Variants in MPHOSPH8 observed in about 807,000 individuals in gnomAD.
MPHOSPH8 encodes the protein M-phase phosphoprotein, mpp.
Under a neutral mutation model 87.3 loss-of-function variants are expected in MPHOSPH8, and 45 were observed. The observed-to-expected ratio is 0.52, with a 90% CI of 0.41 to 0.66. The LOEUF (loss-of-function observed/expected upper bound fraction) is 0.66, where lower values mean the gene tolerates loss of function less well. MPHOSPH8 is among the 30% of genes least tolerant of loss of function. The pLI is 0.00. For missense variants in MPHOSPH8, 883 were observed against 1,020.2 expected (o/e 0.87, Z 1.83); for synonymous variants, 366 against 376.9 (o/e 0.97, Z 0.33).
At chr13:19,651,967 T>G (rs1454037903) in intron 5 of MPHOSPH8, among the ~76,000 whole-genome samples, 1 of 151,378 alleles carries the variant, frequency 6.6e-6, no homozygotes, top group African/African-American at 2.4e-5. Flanking sequence ...CTGGGCATGG[T>G]GGTGCGTGCC....
At chr13:19,648,156 CT>C (rs572579207) in intron 3 of MPHOSPH8, among the ~76,000 whole-genome samples, 3,293 of 138,742 alleles carry the variant, frequency 0.024, 103 homozygotes, top group African/African-American at 0.075. Flanking sequence ...TTATAATTTT[CT>C]TTTTTTTTTT....
chr13:19,662,245 C>T (rs4769042), intron 8 of MPHOSPH8, among the ~76,000 whole-genome samples: 81,747 of 151,868 alleles, frequency 0.54, 26,182 homozygotes, highest in East Asian at 0.78. Context: ...GGCTGTCACA[C>T]GGTCCCATAG....
chr13:19,659,095 TG>T lies in MPHOSPH8; in HGVS notation c.1678del (p.Ala560LeufsTer11), dbSNP rs752466558. On this transcript the variant is annotated frameshift_variant, in exon 6 of 14. Transcript: ENST00000361479. LOFTEE classifies it high-confidence loss of function. The stretch of plus-strand genomic sequence containing the variant: ...ACCTTGATGGGAAAGATGAGAATTT[TG>T]CTGCAACAGATGCAATTCCAAGTAG... ...KHLDGKDENF[A>X]ATDAIPSNVL... 6.2e-7 allele frequency: 1 copy of T among 1,614,048 alleles called. No homozygotes were observed. The highest frequency in any genetic ancestry group is 1.3e-5 in the African/African-American group (1 of 74,938).
Position 19,672,017 on chromosome 13 carries a change from T to C in MPHOSPH8, c.*142T>C. 1 of 786,012 alleles carries C rather than the reference T, an allele frequency of 1.3e-6. No individual in the cohort carries two copies. The highest frequency in any genetic ancestry group is 2.1e-6 in the Non-Finnish European group (1 of 475,514). 48.7% of individuals were successfully genotyped at this position (786,012 alleles called of 1,614,324 possible). On this transcript the variant is annotated 3_prime_UTR_variant, in exon 14 of 14. Transcript: ENST00000361479. The stretch of plus-strand genomic sequence containing the variant: ...GTTAAGCCTGTTGTCTGTTGTAGTC[T>C]GTAAGATGCGACATAGCTGTGTCTG...
At chr13:19,640,365 T>C (rs983876928) in intron 1 of MPHOSPH8, among the ~76,000 whole-genome samples, 1 of 152,170 alleles carries the variant, frequency 6.6e-6, no homozygotes, top group African/African-American at 2.4e-5. Flanking sequence ...CCTTTAACCA[T>C]TTAAAAATAT....
chr13:19,663,194 C>A, intron 9 of MPHOSPH8, 68 bp downstream of exon 9: 1 of 1,306,202 alleles, frequency 7.7e-7, no homozygotes, highest in Non-Finnish European at 1.1e-6. Flanking sequence ...GCATCTGCCA[C>A]TGCCAGGCAC....
intron 1 of MPHOSPH8, among the ~76,000 whole-genome samples, chr13:19,641,289 G>A (rs992420658): frequency 2.0e-5 from 3 of 149,614 alleles, no homozygotes; most frequent in Non-Finnish European, 4.4e-5. Flanking sequence ...TAAGTAACTT[G>A]GACCACAGTT....
chr13:19,651,559 G>A (rs1040112206), intron 5 of MPHOSPH8, among the ~76,000 whole-genome samples: 3 of 151,904 alleles, frequency 2.0e-5, no homozygotes, highest in African/African-American at 7.3e-5. Context: ...GGCTAGGCAT[G>A]GTGGCATGTG....
chr13:19,651,642 T>TA (rs1874857542), intron 5 of MPHOSPH8, among the ~76,000 whole-genome samples: 2 of 152,024 alleles, frequency 1.3e-5, no homozygotes, highest in African/African-American at 4.8e-5. Context: ...TATATTATGC[T>TA]AAGATTGTAC....
intron 1 of MPHOSPH8, among the ~76,000 whole-genome samples, chr13:19,634,263 T>G (rs1320858895): frequency 6.6e-6 from 1 of 152,182 alleles, no homozygotes; most frequent in Non-Finnish European, 1.5e-5. Context: ...AGGGAGCTGC[T>G]GCGCTTTGGC....
At chr13:19,652,376 A>G (rs563363137) in intron 5 of MPHOSPH8, among the ~76,000 whole-genome samples, 11 of 152,160 alleles carry the variant, frequency 7.2e-5, no homozygotes, top group Admixed American at 2.0e-4. Flanking sequence ...GGACTGTGCC[A>G]TGAGGAACGG....
At chr13:19,645,228 T>G (rs1874503478) in intron 2 of MPHOSPH8, among the ~76,000 whole-genome samples, 1 of 152,200 alleles carries the variant, frequency 6.6e-6, no homozygotes, top group Non-Finnish European at 1.5e-5. Context: ...TTGCCTTCGC[T>G]TCCCCTGAGT....
Position 19,646,573 on chromosome 13 carries a change from A to G in MPHOSPH8, c.500A>G (p.Asp167Gly). Residue 167 changes from aspartate (D) to glycine (G), a missense_variant, in exon 3 of 14, where the codon GAT becomes GGT. Coordinates refer to ENST00000361479, the MANE Select transcript of MPHOSPH8 (RefSeq NM_017520.4). Reference protein sequence around the residue: ...LRQREEKSPDDLKKKKAKAGK... With the variant: ...LRQREEKSPDGLKKKKAKAGK... ...CAGAGAGAAGAGAAAAGCCCAGATG[A>G]TCTGAAAAAGAAAAAAGCAAAGGCC... 1 of 1,585,084 alleles carries G rather than the reference A, an allele frequency of 6.3e-7. No individual in the cohort carries two copies. The highest frequency in any genetic ancestry group is 2.2e-5 in the East Asian group (1 of 44,568).
chr13:19,639,821 T>C (rs2035536431), intron 1 of MPHOSPH8, among the ~76,000 whole-genome samples: 1 of 152,062 alleles, frequency 6.6e-6, no homozygotes, highest in Non-Finnish European at 1.5e-5. Context: ...AAGAATTTTA[T>C]GGGCCAGGCA....
chr13:19,635,317 G>A (rs1456293004), intron 1 of MPHOSPH8, among the ~76,000 whole-genome samples: 1 of 152,110 alleles, frequency 6.6e-6, no homozygotes, highest in Non-Finnish European at 1.5e-5. Flanking sequence ...TCAGGGGTTC[G>A]AGACCAGCCT....
intron 5 of MPHOSPH8, among the ~76,000 whole-genome samples, chr13:19,657,442 C>A (rs1460768776): frequency 6.6e-6 from 1 of 150,814 alleles, no homozygotes; most frequent in African/African-American, 2.4e-5. Flanking sequence ...AAACATAGCT[C>A]ATGCAATTTC....
chr13:19,659,513 A>C lies in MPHOSPH8; in HGVS notation c.1791+224A>C, dbSNP rs537002608. 5.3e-4 allele frequency among the ~76,000 whole-genome samples: 80 copies of C among 152,142 alleles called. 1 individual carries two copies. The South Asian group carries it at 0.016, about 30-fold the overall frequency. On this transcript the variant is annotated intron_variant, in intron 7 of 13. Transcript: ENST00000361479. Reference sequence around the variant, plus strand: ...ACCCCAACTCTACAAAAAATACAAAAATTAGCTGGACATGGTGGTGTACAC... The same window carrying C: ...ACCCCAACTCTACAAAAAATACAAACATTAGCTGGACATGGTGGTGTACAC...
At chr13:19,644,064 C>A (rs907188733) in intron 2 of MPHOSPH8, among the ~76,000 whole-genome samples, 1 of 152,064 alleles carries the variant, frequency 6.6e-6, no homozygotes, top group Non-Finnish European at 1.5e-5. Flanking sequence ...ATTTGTAGTT[C>A]TTTTTGTTCT....
In MPHOSPH8 at chr13:19,668,362, A is replaced by G; in HGVS notation, c.2175-15A>G. The stretch of plus-strand genomic sequence containing the variant: ...TTCTACATTAACGTTAACACGTACT[A>G]TTTTTTTTTCTTAGACTTTCAAGAG... On this transcript the variant is annotated splice_polypyrimidine_tract_variant and intron_variant, in intron 10 of 13. Coordinates refer to ENST00000361479, the MANE Select transcript of MPHOSPH8 (RefSeq NM_017520.4). The G allele has an allele frequency of 3.8e-6, 6 of 1,582,146 alleles. No individual in the cohort carries two copies. The highest frequency in any genetic ancestry group is 5.2e-6 in the Non-Finnish European group (6 of 1,157,378).
Sources: gnomAD v4.1 joint callset for allele counts (sites outside exome capture counted in the v4.1 genomes callset) on GRCh38, gnomAD v4.1.1 for gene constraint, MANE v1.5 for transcripts, NCBI Gene and HGNC (gene_info 2026-07-23, HGNC 2026-07-21) for gene names.